The following SUMF1 variants were observed in gnomAD, a reference collection of about 807,000 sequenced individuals.
SUMF1 encodes the protein formylglycine-generating enzyme.
Under a neutral mutation model 47.6 loss-of-function variants are expected in SUMF1, and 48 were observed. The observed-to-expected ratio is 1.01, with a 90% CI of 0.80 to 1.28. The LOEUF is 1.28. SUMF1 is among the 50% of genes most tolerant of loss of function. The pLI is 0.00. For synonymous variants in SUMF1, 230 were observed against 192.1 expected, an observed-to-expected ratio of 1.20 and a Z score of -1.63; for missense variants, 571 against 485.4, an observed-to-expected ratio of 1.18 and a Z score of -1.66.
At chr3:4,456,650 A>ATATATATATATACGTGTATATATATATG (rs1553588878) in intron 1 of SUMF1, among the ~76,000 whole-genome samples, 2 of 119,122 alleles carry the variant, frequency 1.7e-5, no homozygotes, top group Admixed American at 1.8e-4. Context: ...ATATATATAT[A>ATATATATATATACGTGTATATATATATG]TGTGTGTGTA....
intron 8 of SUMF1, among the ~76,000 whole-genome samples, chr3:4,343,823 C>T (rs1307597046): frequency 6.6e-6 from 1 of 152,168 alleles, no homozygotes; most frequent in African/African-American, 2.4e-5. Context: ...ACAGAAATAT[C>T]TGCACAAATT....
chr3:4,091,516 T>A (rs1202830897), intron 8 of SUMF1, among the ~76,000 whole-genome samples: 2 of 152,154 alleles, frequency 1.3e-5, no homozygotes, highest in African/African-American at 4.8e-5. Context: ...GACTTCTTTT[T>A]TATGTACAAA....
chr3:4,303,440 CCGACTGAGCAGCTGGATGTCG>C, intron 8 of SUMF1: 1 of 1,551,008 alleles, frequency 6.4e-7, no homozygotes, highest in Non-Finnish European at 8.7e-7. Context: ...GCCTGAGGCC[CCGACTGAGCAGCTGGATGTCG>C]CGTGCGGCCA....
chr3:4,285,124 T>G (rs938415733), intron 8 of SUMF1, among the ~76,000 whole-genome samples: 2 of 152,204 alleles, frequency 1.3e-5, no homozygotes, highest in African/African-American at 4.8e-5. Flanking sequence ...CTGCATTATC[T>G]CTTTCATAAT....
At position 4,440,836 on chromosome 3, in the gene SUMF1, T is replaced by C. The variant is rs17040690; in HGVS notation, c.519+8430A>G. On this transcript the variant is annotated intron_variant, in intron 3 of 8. Transcript: ENST00000272902. ...GCTACAAATGAAGAGAGAATCCTTG[T>C]TCCTCAAGCTCCCACCAACAGCAAC... Among the ~76,000 whole-genome samples, 71 of 152,348 alleles carry C rather than the reference T, an allele frequency of 4.7e-4. 2 individuals are homozygous for C. The East Asian group carries it at 6.7e-3, about 14-fold the overall frequency.
At chr3:4,319,489 C>T (rs776170390) in intron 8 of SUMF1, among the ~76,000 whole-genome samples, 4 of 152,136 alleles carry the variant, frequency 2.6e-5, no homozygotes, top group African/African-American at 4.8e-5. Flanking sequence ...CATCTTATTT[C>T]GATGTGGTGA....
chr3:4,445,150 G>T (rs1404582604), intron 3 of SUMF1, among the ~76,000 whole-genome samples: 1 of 152,118 alleles, frequency 6.6e-6, no homozygotes, highest in Admixed American at 6.5e-5. Flanking sequence ...TAAGTGAGTT[G>T]TATCAATGGT....
intron 8 of SUMF1, among the ~76,000 whole-genome samples, chr3:4,170,686 T>C (rs922139500): frequency 2.0e-5 from 3 of 152,128 alleles, no homozygotes; most frequent in Non-Finnish European, 4.4e-5. Context: ...ATCACATATA[T>C]AGTGAACTAA....
intron 9 of SUMF1, among the ~76,000 whole-genome samples, chr3:4,065,642 A>G (rs1316115728): frequency 6.6e-6 from 1 of 152,140 alleles, no homozygotes; most frequent in African/African-American, 2.4e-5. Context: ...TGAAATTTAA[A>G]AGGATTTGGC....
At chr3:4,227,825 G>A (rs1480170697) in intron 8 of SUMF1, among the ~76,000 whole-genome samples, 1 of 152,100 alleles carries the variant, frequency 6.6e-6, no homozygotes, top group South Asian at 2.1e-4. Flanking sequence ...CCATCCCTGG[G>A]CTCCCTGTTT....
chr3:4,066,498 C>G (rs867054737), intron 9 of SUMF1, among the ~76,000 whole-genome samples: 1 of 152,252 alleles, frequency 6.6e-6, no homozygotes, highest in African/African-American at 2.4e-5. Flanking sequence ...ATCCGACAAA[C>G]TTTCCTTTCT....
At chr3:4,452,482 A>G (rs1350183120) in intron 2 of SUMF1, among the ~76,000 whole-genome samples, 1 of 152,282 alleles carries the variant, frequency 6.6e-6, no homozygotes, top group Non-Finnish European at 1.5e-5. Context: ...TACTGAGAAG[A>G]AAAGTGGTCT....
chr3:4,161,434 T>C (rs1205722632), intron 8 of SUMF1, among the ~76,000 whole-genome samples: 1 of 152,164 alleles, frequency 6.6e-6, no homozygotes, highest in Non-Finnish European at 1.5e-5. Flanking sequence ...TGCAGTCTGG[T>C]AGCCAGGGCC....
intron 8 of SUMF1, among the ~76,000 whole-genome samples, chr3:4,271,915 T>C (rs1697313482): frequency 1.3e-5 from 2 of 152,170 alleles, no homozygotes; most frequent in African/African-American, 2.4e-5. Context: ...TGAAGACTAT[T>C]CCTACATAGC....
chr3:4,382,511 G>T (rs891624778), intron 7 of SUMF1, among the ~76,000 whole-genome samples: 1 of 152,116 alleles, frequency 6.6e-6, no homozygotes, highest in South Asian at 2.1e-4. Context: ...ATCATTTGTG[G>T]TGATTCCTCA....
At chr3:4,246,091 C>A (rs1024809986) in intron 8 of SUMF1, among the ~76,000 whole-genome samples, 1 of 152,198 alleles carries the variant, frequency 6.6e-6, no homozygotes, top group Non-Finnish European at 1.5e-5. Flanking sequence ...ATCTCCTGGT[C>A]TTCCGGTTGT....
chr3:4,235,021 G>A (rs998239037), intron 8 of SUMF1, among the ~76,000 whole-genome samples: 2 of 152,084 alleles, frequency 1.3e-5, no homozygotes, highest in Non-Finnish European at 2.9e-5. Flanking sequence ...AGATCACTCC[G>A]GCTGCAGTTG....
At chr3:4,441,430 A>G (rs1702583950) in intron 3 of SUMF1, among the ~76,000 whole-genome samples, 1 of 152,198 alleles carries the variant, frequency 6.6e-6, no homozygotes, top group East Asian at 1.9e-4. Flanking sequence ...AATAAAGTAC[A>G]CAATAAATAT....
intron 8 of SUMF1, among the ~76,000 whole-genome samples, chr3:4,367,279 G>T (rs992445492): frequency 3.1e-4 from 47 of 152,212 alleles, no homozygotes; most frequent in Non-Finnish European, 4.9e-4. Context: ...TAAGTCTGCA[G>T]AGGTTACTGC....
Sources: gnomAD v4.1 joint callset for allele counts (sites outside exome capture counted in the v4.1 genomes callset) on GRCh38, gnomAD v4.1.1 for gene constraint, MANE v1.5 for transcripts, NCBI Gene and HGNC (gene_info 2026-07-23, HGNC 2026-07-21) for gene names.